Variants in IGSF9 observed in about 807,000 individuals in gnomAD.
The protein encoded by IGSF9 is protein turtle homolog A.
In IGSF9, 87 loss-of-function variants were observed where a neutral mutation model predicts 121.7. The observed-to-expected ratio is 0.71, with a 90% CI of 0.60 to 0.85. The LOEUF (loss-of-function observed/expected upper bound fraction) is 0.85. Among genes scored for constraint, IGSF9 ranks in the 40% least tolerant of loss-of-function variants. The pLI, the probability that IGSF9 is intolerant of heterozygous loss-of-function variation, is 0.00. For missense variants in IGSF9, 1,462 were observed against 1,565.3 expected (o/e 0.93, Z 1.11); for synonymous variants, 640 against 648.4 (o/e 0.99, Z 0.20).
Position 159,934,748 on chromosome 1 carries a change from C to A in IGSF9, c.748G>T (p.Ala250Ser). The A allele has an allele frequency of 6.2e-7, 1 of 1,614,182 alleles. No individual in the cohort carries two copies. The highest frequency in any genetic ancestry group is 8.5e-7 in the Non-Finnish European group (1 of 1,180,022). Reference protein sequence around the residue: ...ASQDVSLACHAEAYPANLTYS... With the variant: ...ASQDVSLACHSEAYPANLTYS... The stretch of plus-strand genomic sequence containing the variant: ...GTGAGGTTAGCAGGGTATGCCTCAG[C>A]ATGGCAGGCCAATGAAACATCCTGG... Residue 250 changes from alanine (A) to serine (S), a missense_variant, in exon 7 of 21, where the codon GCT becomes TCT. Physicochemically the swap from Ala to Ser is moderately conservative, Grantham distance 99 (BLOSUM62 1). Coordinates refer to ENST00000368094, the MANE Select transcript of IGSF9 (RefSeq NM_001135050.2).
chr1:159,943,832 A>G (rs140075685), intron 1 of IGSF9, among the ~76,000 whole-genome samples: 20 of 152,196 alleles, frequency 1.3e-4, no homozygotes, highest in African/African-American at 4.8e-4. Flanking sequence ...CTGAATGCAG[A>G]TACTAGAAAG....
chr1:159,931,670 C>G lies in IGSF9; in HGVS notation c.1363-67G>C. 6.4e-7 allele frequency: 1 copy of G among 1,563,600 alleles called. No homozygotes were observed. ...CCCTCACCAAAGGCGCCCCTCATCT[C>G]TCCAGGCAGCTCCAGTTCCTCCCCA... is the stretch of plus-strand genomic sequence containing the variant. On this transcript the variant is annotated intron_variant, in intron 11 of 20. Coordinates refer to ENST00000368094, the MANE Select transcript of IGSF9 (RefSeq NM_001135050.2). This position sits in a 1 kb window ranked among gnomAD's most constrained non-coding sequence, Gnocchi z 4.8.
chr1:159,928,473 G>A lies in IGSF9; in HGVS notation c.2915C>T (p.Thr972Ile). The change falls in exon 19 of 21, where the codon ACC becomes ATC. Residue 972 changes from threonine to isoleucine, a missense_variant. By Grantham distance (89) the Thr-to-Ile change is moderately conservative (BLOSUM62 -1). Coordinates refer to ENST00000368094, the MANE Select transcript of IGSF9 (RefSeq NM_001135050.2). ...TGATTCCCTGGGGGATACAGGAGGG[G>A]TTTCTGGAGAACGAAGGAAAGATGA... ...PTSSFLRSPE[T>I]PPVSPRESLP... is the part of the protein sequence containing the mutation. 6.3e-7 allele frequency: 1 copy of A among 1,590,416 alleles called. No individual in the cohort carries two copies.
In IGSF9 at chr1:159,931,566, C is replaced by G; in HGVS notation, c.1400G>C (p.Ser467Thr). 1.9e-6 allele frequency: 3 copies of G among 1,614,110 alleles called. No individual in the cohort carries two copies. Among genetic ancestry groups the G allele is most frequent in the African/African-American group, 1.3e-5 (1 of 75,054 alleles). The change falls in exon 12 of 21, where the codon AGC (serine) becomes ACC (threonine). Residue 467 changes from serine to threonine, a missense_variant. This residue lies in a region of IGSF9 where 96 missense variants were observed against 150.7 expected (regional missense o/e 0.64). Coordinates refer to ENST00000368094, the MANE Select transcript of IGSF9 (RefSeq NM_001135050.2). This position sits in a 1 kb window ranked among gnomAD's most constrained non-coding sequence, Gnocchi z 4.8. ...TGGTCGCAGGATGAGGCTGCTGTTG[C>G]TGTCCACCTGGGCCTGGCCTTGCAG... is the stretch of plus-strand genomic sequence containing the variant. ...RGLQGQAQVD[S>T]NSSLILRPLT... is the part of the protein sequence containing the mutation.
At chr1:159,937,572 A>G (rs7524321) in intron 4 of IGSF9, 114 bp downstream of exon 4, 487,963 of 1,198,682 alleles carry the variant, frequency 0.41, 100,106 homozygotes, top group East Asian at 0.49. Context: ...GTGGGGCATC[A>G]GAGCTGTTTG....
chr1:159,943,750 A>T, intron 1 of IGSF9, 122 bp from the exon 2 acceptor site: 12 of 281,576 alleles, frequency 4.3e-5, no homozygotes, highest in Non-Finnish European at 5.9e-5. Context: ...AGTGAGGGGT[A>T]GGGGGAAGGG....
At position 159,941,787 on chromosome 1, in the gene IGSF9, G is replaced by A. The variant is rs1651388719; in HGVS notation, c.247+1176C>T. Among the ~76,000 whole-genome samples the A allele has an allele frequency of 5.3e-5, 8 of 152,374 alleles. No individual in the cohort carries two copies. The South Asian group carries it at 1.7e-3, about 32-fold the overall frequency. On this transcript the variant is annotated intron_variant, in intron 3 of 20. Transcript: ENST00000368094. The stretch of plus-strand genomic sequence containing the variant: ...AGGCGGAGGCAGGGAGGGAGGGCTG[G>A]TGGGCACAGCCGTTTTTTTCTCCAC...
intron 3 of IGSF9, among the ~76,000 whole-genome samples, chr1:159,939,491 G>T (rs1454004794): frequency 6.6e-6 from 1 of 152,140 alleles, no homozygotes; most frequent in Non-Finnish European, 1.5e-5. Context: ...CTCCCAAAGC[G>T]CTGGGATTAA....
Position 159,927,426 on chromosome 1 carries a change from G to A in IGSF9, c.3459C>T (p.Arg1153=), listed in dbSNP as rs755868668. ...GAGCCCTAGTAGCATCTCGGCGGCG[G>A]CGGAAGGCCAGGAATTCCTCCCGAA... The part of the protein sequence containing the change: ...AALREEFLAF[R]RRRDATRARL... The change falls in exon 21 of 21, where the codon CGC becomes CGT. Residue 1153 remains arginine (R), a synonymous_variant. Coordinates refer to ENST00000368094, the MANE Select transcript of IGSF9 (RefSeq NM_001135050.2). 28 of 1,614,146 alleles carry A rather than the reference G, an allele frequency of 1.7e-5. No homozygotes were observed. The highest frequency in any genetic ancestry group is 2.4e-5 in the Non-Finnish European group (28 of 1,180,038).
chr1:159,943,692 C>A (rs1009983787), intron 1 of IGSF9, 64 bp from the exon 2 acceptor site: 7 of 407,928 alleles, frequency 1.7e-5, no homozygotes, highest in Non-Finnish European at 3.0e-5. Context: ...AGAAACCCCA[C>A]CATTAGAGAA....
chr1:159,928,067 G>A (rs1216450379), intron 19 of IGSF9, 91 bp downstream of exon 19: 7 of 1,511,970 alleles, frequency 4.6e-6, no homozygotes, highest in East Asian at 4.5e-5. Flanking sequence ...GGGTGGGAGT[G>A]GAGCAGAGAA....
rs543380536 is a variant in IGSF9, at chr1:159,942,452, C to T, written c.247+511G>A. Among the ~76,000 whole-genome samples, 21 of 152,224 alleles carry T rather than the reference C, an allele frequency of 1.4e-4. 1 individual carries two copies. The East Asian group carries it at 1.9e-3, about 14-fold the overall frequency. On this transcript the variant is annotated intron_variant, in intron 3 of 20. Coordinates refer to ENST00000368094, the MANE Select transcript of IGSF9 (RefSeq NM_001135050.2). ...CCTGGAAAAGCAGAGAGGTCACAGC[C>T]GCACCTACCCTGCTGCCCCATCAGC...
chr1:159,927,280 T>A lies in IGSF9; in HGVS notation c.*65A>T. The A allele has an allele frequency of 6.3e-7, 1 of 1,591,648 alleles. No individual in the cohort carries two copies. Among genetic ancestry groups the A allele is most frequent in the Non-Finnish European group, 8.6e-7 (1 of 1,162,558 alleles). Reference sequence around the variant, plus strand: ...GGCAGTGCCCTCGTTTGAAACTAGGTCTGTCTGGTTGGGGGCCTCCTTTGC... The same window carrying A: ...GGCAGTGCCCTCGTTTGAAACTAGGACTGTCTGGTTGGGGGCCTCCTTTGC... On this transcript the variant is annotated 3_prime_UTR_variant, in exon 21 of 21. Coordinates refer to ENST00000368094, the MANE Select transcript of IGSF9 (RefSeq NM_001135050.2).
chr1:159,936,646 C>T lies in IGSF9; in HGVS notation c.555+108G>A, dbSNP rs563471752. On this transcript the variant is annotated intron_variant, in intron 5 of 20. Coordinates refer to ENST00000368094, the MANE Select transcript of IGSF9 (RefSeq NM_001135050.2). ...AACAATGCCAAGCCCTTCTTCTGGC[C>T]CATCCTCCAGCCTGGCCTTTGCCTC... 7.6e-5 allele frequency: 117 copies of T among 1,532,818 alleles called. No homozygotes were observed. The African/African-American group carries it at 1.4e-3, about 18-fold the overall frequency. 95.0% of individuals were successfully genotyped at this position (1,532,818 alleles called of 1,614,324 possible).
chr1:159,936,491 C>T lies in IGSF9; in HGVS notation c.581G>A (p.Arg194His), dbSNP rs778071750. 30 of 1,613,978 alleles carry T rather than the reference C, an allele frequency of 1.9e-5. No homozygotes were observed. The highest frequency in any genetic ancestry group is 1.8e-4 in the East Asian group (8 of 44,882). The change falls in exon 6 of 21, where the codon CGC becomes CAC. Residue 194 changes from arginine to histidine, a missense_variant. Arg to His is a conservative substitution (Grantham distance 29). Coordinates refer to ENST00000368094, the MANE Select transcript of IGSF9 (RefSeq NM_001135050.2). ...CCCAGAGCTGCCTCGCTCTACCCGG[C>T]GGATCCGCAGCGTCCCGTTCTGCAC... ...VQVQNGTLRI[R>H]RVERGSSGVY...
chr1:159,927,692 T>TC, intron 20 of IGSF9, 68 bp downstream of exon 20: 7 of 1,583,146 alleles, frequency 4.4e-6, no homozygotes, highest in Non-Finnish European at 6.0e-6. Flanking sequence ...AATAGATGGG[T>TC]CCTAAGGTGG....
chr1:159,928,420 C>A lies in IGSF9; in HGVS notation c.2968G>T (p.Ala990Ser), dbSNP rs757476807. 4.4e-6 allele frequency: 7 copies of A among 1,605,350 alleles called. No individual in the cohort carries two copies. Among genetic ancestry groups the A allele is most frequent in the Non-Finnish European group, 5.1e-6 (6 of 1,175,866 alleles). The change falls in exon 19 of 21, where the codon GCC becomes TCC. Residue 990 changes from alanine to serine, a missense_variant. By Grantham distance (99) the Ala-to-Ser change is moderately conservative. This residue lies in a region of IGSF9 where 808 missense variants were observed against 815.2 expected (regional missense o/e 0.99). Coordinates refer to ENST00000368094, the MANE Select transcript of IGSF9 (RefSeq NM_001135050.2). ...GCTGTGTAAGGGGGCTCTGCAGTGG[C>A]CCCAGCCCCTACCACAGCCCCAGGA... ...SLPGAVVGAG[A>S]TAEPPYTALA...
In IGSF9 at chr1:159,934,281, A is replaced by T. The variant is rs751720218; in HGVS notation, c.1013T>A (p.Met338Lys). 7 of 1,612,908 alleles carry T rather than the reference A, an allele frequency of 4.3e-6. No homozygotes were observed. Among genetic ancestry groups the T allele is most frequent in the Admixed American group, 1.7e-5 (1 of 59,888 alleles). Residue 338 changes from methionine to lysine, a missense_variant, in exon 9 of 21, where the codon ATG becomes AAG. Around this residue, in one of 3 missense-constraint regions of IGSF9, gnomAD observed 558 missense variants for 599.4 expected, o/e 0.93. Coordinates refer to ENST00000368094, the MANE Select transcript of IGSF9 (RefSeq NM_001135050.2). ...MPPETPLPIGMPGVIRCPVRA... is the reference protein window; with the variant it reads ...MPPETPLPIGKPGVIRCPVRA... Reference sequence around the variant, plus strand: ...AACCGGGCAGCGGATCACCCCCGGCATGCCTATGGGCAGGGGTGTCTCAGG... The same window carrying T: ...AACCGGGCAGCGGATCACCCCCGGCTTGCCTATGGGCAGGGGTGTCTCAGG...
chr1:159,939,521 G>C (rs182323578), intron 3 of IGSF9, among the ~76,000 whole-genome samples: 1 of 152,260 alleles, frequency 6.6e-6, no homozygotes, highest in East Asian at 1.9e-4. Flanking sequence ...CACTGTGCCT[G>C]GCTGCATTTT....
Sources: gnomAD v4.1 joint callset for allele counts (sites outside exome capture counted in the v4.1 genomes callset) on GRCh38, gnomAD v4.1.1 for gene constraint, gnomAD v4.1.1 regional missense constraint, Gnocchi (gnomAD v3.1) non-coding constraint, MANE v1.5 for transcripts, NCBI Gene and HGNC (gene_info 2026-07-23, HGNC 2026-07-21) for gene names.